Variants in TRDN observed in about 807,000 individuals in gnomAD.
The protein encoded by TRDN is triadin, also known as triadin in skeletal muscle.
A neutral mutation model predicts 149.7 loss-of-function variants in TRDN; 161 were observed. That is an observed-to-expected ratio of 1.08 (90% confidence interval 0.95 to 1.23). The LOEUF (loss-of-function observed/expected upper bound fraction) is 1.23, where lower values mean the gene tolerates loss of function less well. Ranked by LOEUF, TRDN falls within the 50% of genes most tolerant of loss-of-function variation. TRDN has a pLI of 0.00. For synonymous variants in TRDN, 294 were observed against 250.5 expected (o/e 1.17, Z -1.64); for missense variants, 896 against 823.5 (o/e 1.09, Z -1.08).
At chr6:123,392,888 T>C (rs1265888839) in intron 13 of TRDN, among the ~76,000 whole-genome samples, 1 of 152,072 alleles carries the variant, frequency 6.6e-6, no homozygotes, top group East Asian at 1.9e-4. Flanking sequence ...CTGAAAATTG[T>C]ACCACCACCT....
At chr6:123,330,904 C>G (rs1779637113) in intron 23 of TRDN, among the ~76,000 whole-genome samples, 1 of 151,958 alleles carries the variant, frequency 6.6e-6, no homozygotes, top group Non-Finnish European at 1.5e-5. Context: ...GTAAGCTCAC[C>G]AGAAATCCTT....
intron 5 of TRDN, 92 bp from the exon 6 acceptor site, chr6:123,516,298 T>C (rs1779407429): frequency 2.3e-6 from 3 of 1,290,706 alleles, no homozygotes; most frequent in Non-Finnish European, 3.0e-6. Flanking sequence ...AAATTTATCT[T>C]CTGTTTTTAG....
intron 21 of TRDN, chr6:123,351,433 T>C: frequency 1.0e-6 from 1 of 984,836 alleles, no homozygotes; most frequent in Non-Finnish European, 1.2e-6. Flanking sequence ...TTTCAGAAAC[T>C]AAAATTCCAC....
At chr6:123,541,913 A>G (rs1780854871) in intron 4 of TRDN, among the ~76,000 whole-genome samples, 1 of 152,194 alleles carries the variant, frequency 6.6e-6, no homozygotes, top group Admixed American at 6.5e-5. Flanking sequence ...CTTACTCCCG[A>G]TGACATGATA....
chr6:123,254,867 T>C (rs975963750), intron 37 of TRDN: 1 of 432,744 alleles, frequency 2.3e-6, no homozygotes, highest in Non-Finnish European at 4.3e-6. Flanking sequence ...TTCATGTTAA[T>C]GTTGCTAATA....
At chr6:123,529,171 A>C in intron 5 of TRDN, 1 of 1,543,174 alleles carries the variant, frequency 6.5e-7, no homozygotes, top group Non-Finnish European at 8.8e-7. Flanking sequence ...AGAAAAAAAC[A>C]GCAGGGACCC....
intron 9 of TRDN, among the ~76,000 whole-genome samples, chr6:123,475,000 A>G (rs1020522306): frequency 4.6e-5 from 7 of 152,328 alleles, no homozygotes; most frequent in East Asian, 1.9e-4. Context: ...TAAAAGAACT[A>G]GAAAAGCAAG....
chr6:123,338,010 C>A (rs61331913), intron 21 of TRDN, among the ~76,000 whole-genome samples: 1 of 152,176 alleles, frequency 6.6e-6, no homozygotes, highest in East Asian at 1.9e-4. Flanking sequence ...CTACCATTTT[C>A]TCATTCAGTG....
In TRDN at chr6:123,216,837, G is replaced by C. The variant is rs1036847699; in HGVS notation, c.*1764C>G. 1 of 151,876 alleles carries C rather than the reference G, an allele frequency of 6.6e-6. No homozygotes were observed. Among genetic ancestry groups the C allele is most frequent in the African/African-American group, 2.4e-5 (1 of 41,390 alleles). The allele number at this position is 151,876 out of a possible 1,614,324, so 9.4% of individuals were successfully genotyped here. ...GCACCTAACACAGCGCCCTAAAAGA[G>C]TAGGTATTCAATAAACAGTCATTGA... On this transcript the variant is annotated 3_prime_UTR_variant, in exon 41 of 41. Transcript: ENST00000334268.
At chr6:123,623,369 G>A (rs1429438858) in intron 1 of TRDN, among the ~76,000 whole-genome samples, 1 of 152,048 alleles carries the variant, frequency 6.6e-6, no homozygotes, top group Non-Finnish European at 1.5e-5. Context: ...CTCCTTTGAA[G>A]CTACCACTAG....
intron 9 of TRDN, chr6:123,469,992 G>C (rs1247116759): frequency 2.0e-5 from 3 of 152,082 alleles, no homozygotes; most frequent in Non-Finnish European, 4.4e-5. Flanking sequence ...TAACGACAAA[G>C]GTTCATCTTT....
At chr6:123,474,099 AACTTTAAATGTCAATGG>A (rs2114746157) in intron 9 of TRDN, among the ~76,000 whole-genome samples, 1 of 152,246 alleles carries the variant, frequency 6.6e-6, no homozygotes, top group East Asian at 1.9e-4. Flanking sequence ...TAACAATATT[AACTTTAAATGTCAATGG>A]ACTAAATGCT....
At chr6:123,578,788 G>C (rs1048447655) in intron 1 of TRDN, among the ~76,000 whole-genome samples, 1 of 152,060 alleles carries the variant, frequency 6.6e-6, no homozygotes, top group Non-Finnish European at 1.5e-5. Flanking sequence ...GTGAGCATGG[G>C]ATGTTTTTCT....
chr6:123,373,458 T>C (rs75939405), intron 19 of TRDN, among the ~76,000 whole-genome samples: 266 of 152,284 alleles, frequency 1.7e-3, no homozygotes, highest in African/African-American at 6.1e-3. Flanking sequence ...ATCAGCAGCA[T>C]GAAAAGGGAC....
At chr6:123,609,782 G>T (rs1418401558) in intron 1 of TRDN, among the ~76,000 whole-genome samples, 1 of 152,052 alleles carries the variant, frequency 6.6e-6, no homozygotes, top group Non-Finnish European at 1.5e-5. Context: ...GATATTGCGT[G>T]CATGAATCAT....
At chr6:123,607,630 C>T (rs1027262704) in intron 1 of TRDN, among the ~76,000 whole-genome samples, 3 of 152,208 alleles carry the variant, frequency 2.0e-5, no homozygotes, top group Admixed American at 6.5e-5. Flanking sequence ...TGTTTTTAAT[C>T]GTCAGATGCT....
chr6:123,347,393 A>G (rs1421171755), intron 21 of TRDN, among the ~76,000 whole-genome samples: 1 of 151,992 alleles, frequency 6.6e-6, no homozygotes, highest in Non-Finnish European at 1.5e-5. Context: ...TTCTGTGTGT[A>G]TCAAGGGCAT....
chr6:123,601,184 A>T (rs994510610), intron 1 of TRDN, among the ~76,000 whole-genome samples: 3 of 152,156 alleles, frequency 2.0e-5, no homozygotes, highest in African/African-American at 4.8e-5. Flanking sequence ...TTTAATAAAG[A>T]TATCAGTATT....
chr6:123,524,611 T>A (rs879446627), intron 5 of TRDN, among the ~76,000 whole-genome samples: 1 of 152,082 alleles, frequency 6.6e-6, no homozygotes, highest in Non-Finnish European at 1.5e-5. Flanking sequence ...TCTTCACATA[T>A]AGTAAGAAAA....
Sources: gnomAD v4.1 joint callset for allele counts (sites outside exome capture counted in the v4.1 genomes callset) on GRCh38, gnomAD v4.1.1 for gene constraint, MANE v1.5 for transcripts, NCBI Gene and HGNC (gene_info 2026-07-23, HGNC 2026-07-21) for gene names.